The following SINHCAF variants were observed in gnomAD, a reference collection of about 807,000 sequenced individuals.
SINHCAF encodes the protein SIN3-HDAC complex associated factor.
SINHCAF carries 3 observed loss-of-function variants against 25.8 expected under a neutral mutation model. The ratio of observed to expected loss-of-function variants is 0.12; its 90% CI spans 0.05 to 0.30. SINHCAF has a LOEUF of 0.30. Among genes scored for constraint, SINHCAF ranks in the 10% least tolerant of loss-of-function variants. The probability of loss-of-function intolerance (pLI) is 1.00; values close to 1 mark genes in which losing one functional copy is unlikely to be tolerated. For missense variants in SINHCAF, 121 were observed against 262.3 expected (o/e 0.46, Z 3.72); for synonymous variants, 70 against 85.5 (o/e 0.82, Z 1.00).
intron 1 of SINHCAF, chr12:31,312,065 G>T: frequency 1.9e-6 from 1 of 518,742 alleles, no homozygotes; most frequent in Non-Finnish European, 3.7e-6. Context: ...GTCTACAGGT[G>T]TCATCCCAGT....
At position 31,325,274 on chromosome 12, in the gene SINHCAF, T is replaced by C. The variant is rs1302604834; in HGVS notation, c.-21+750A>G. On this transcript the variant is annotated intron_variant, in intron 1 of 5. Transcript: ENST00000337682. The surrounding 1 kb of genome is among the most constrained non-coding windows in gnomAD (Gnocchi z 5.9). ...AAAGCACCCCGGACACCAGAGGCTC[T>C]TGGGCGCGGTCCGAAGAGGGCAGGC... 6.6e-6 allele frequency: 3 copies of C among 456,404 alleles called. No individual in the cohort carries two copies. The highest frequency in any genetic ancestry group is 1.5e-5 in the South Asian group (1 of 64,558). The allele number at this position is 456,404 out of a possible 1,614,324, so 28.3% of individuals were successfully genotyped here. A position where few individuals can be genotyped will look rare whatever the true frequency, so the allele number is the denominator to read the frequency against.
intron 5 of SINHCAF, among the ~76,000 whole-genome samples, chr12:31,286,794 T>C (rs1159458399): frequency 1.3e-5 from 2 of 152,252 alleles, no homozygotes; most frequent in Admixed American, 6.5e-5. Context: ...ATCAAACTTA[T>C]ATCAGCCTTA....
rs771127946 is a variant in SINHCAF, at chr12:31,295,208, T to C, written c.228+26A>G. The C allele has an allele frequency of 9.3e-6, 13 of 1,400,170 alleles. No individual in the cohort carries two copies. In the Admixed American group the frequency reaches 1.6e-4, roughly 18 times the overall value. The allele number at this position is 1,400,170 out of a possible 1,614,324, so 86.7% of individuals were successfully genotyped here. On this transcript the variant is annotated intron_variant, in intron 3 of 5. Coordinates refer to ENST00000337682, the MANE Select transcript of SINHCAF (RefSeq NM_001135812.2). Reference sequence around the variant, plus strand: ...TACTTTAAATACAGTAGAGGTATAATTGAGAAAAAAGAAAGATGGACTAAC... The same window carrying C: ...TACTTTAAATACAGTAGAGGTATAACTGAGAAAAAAGAAAGATGGACTAAC...
At position 31,282,491 on chromosome 12, in the gene SINHCAF, G is replaced by A. The variant is rs1394617465; in HGVS notation, c.*221C>T. ...TAAAAAATTAGCCGGGTCTGGTGGC[G>A]GGCACCTATAAACCCAGCTACTTGG... On this transcript the variant is annotated 3_prime_UTR_variant, in exon 6 of 6. Transcript: ENST00000337682. The A allele has an allele frequency of 1.6e-5, 6 of 368,520 alleles. No individual in the cohort carries two copies. Among genetic ancestry groups the A allele is most frequent in the East Asian group, 4.3e-5 (1 of 23,182 alleles). 22.8% of individuals were successfully genotyped at this position (368,520 alleles called of 1,614,324 possible). A position where few individuals can be genotyped will look rare whatever the true frequency, so the allele number is the denominator to read the frequency against.
chr12:31,285,294 A>G (rs993755061), intron 5 of SINHCAF, among the ~76,000 whole-genome samples: 4 of 152,008 alleles, frequency 2.6e-5, no homozygotes, highest in Admixed American at 2.0e-4. Context: ...AGGCTGAGAC[A>G]GGAAAATCGC....
chr12:31,287,829 AC>A, intron 4 of SINHCAF, 45 bp from the exon 5 acceptor site: 4 of 1,435,886 alleles, frequency 2.8e-6, no homozygotes, highest in Non-Finnish European at 3.8e-6. Context: ...CAATTTCATT[AC>A]ATGTAATTGC....
chr12:31,296,541 C>T (rs1247736798), intron 2 of SINHCAF, among the ~76,000 whole-genome samples: 1 of 152,034 alleles, frequency 6.6e-6, no homozygotes, highest in Non-Finnish European at 1.5e-5. Flanking sequence ...TCCAGTTTCG[C>T]AGCAAACAAA....
chr12:31,319,396 C>T (rs564871489), intron 1 of SINHCAF, among the ~76,000 whole-genome samples: 5 of 152,266 alleles, frequency 3.3e-5, no homozygotes, highest in Admixed American at 6.5e-5. Context: ...AGCCTGGTGG[C>T]GTGCGCCTGT....
chr12:31,319,103 T>C (rs1939605559), intron 1 of SINHCAF, among the ~76,000 whole-genome samples: 1 of 152,234 alleles, frequency 6.6e-6, no homozygotes, highest in Non-Finnish European at 1.5e-5. Context: ...TATACTCCTC[T>C]ATGAAGCTGT....
rs1359092788 is a variant in SINHCAF at position 31,282,220 on chromosome 12, TAAAG to T, written c.*488_*491del. ...AAGGGGATTAAAAAAAAAAAAGACT[TAAAG>T]AGCACTTTACAGCAGCATTCAGCTT... is the stretch of plus-strand genomic sequence containing the variant. On this transcript the variant is annotated 3_prime_UTR_variant, in exon 6 of 6. Transcript: ENST00000337682. 6.6e-6 allele frequency: 1 copy of T among 152,448 alleles called. No homozygotes were observed. Among genetic ancestry groups the T allele is most frequent in the Non-Finnish European group, 1.5e-5 (1 of 68,040 alleles). The allele number at this position is 152,448 out of a possible 1,614,324, so 9.4% of individuals were successfully genotyped here. A position where few individuals can be genotyped will look rare whatever the true frequency, so the allele number is the denominator to read the frequency against.
Position 31,325,536 on chromosome 12 carries a change from C to T in SINHCAF, c.-21+488G>A, listed in dbSNP as rs1565510472. The T allele has an allele frequency of 4.5e-6, 1 of 222,878 alleles. No homozygotes were observed. Among genetic ancestry groups the T allele is most frequent in the South Asian group, 4.6e-5 (1 of 21,906 alleles). The allele number at this position is 222,878 out of a possible 1,614,324, so 13.8% of individuals were successfully genotyped here. A position where few individuals can be genotyped will look rare whatever the true frequency, so the allele number is the denominator to read the frequency against. ...GTCCGAGGGCTGCAGTCAACTAAAC[C>T]ACGAGGTTTCACAACGGCGCCCGAC... On this transcript the variant is annotated intron_variant, in intron 1 of 5. Coordinates refer to ENST00000337682, the MANE Select transcript of SINHCAF (RefSeq NM_001135812.2). This position sits in a 1 kb window ranked among gnomAD's most constrained non-coding sequence, Gnocchi z 5.9.
rs1281713009 is a variant in SINHCAF at position 31,325,361 on chromosome 12, C to T, written c.-21+663G>A. 1 of 397,498 alleles carries T rather than the reference C, an allele frequency of 2.5e-6. No homozygotes were observed. Among genetic ancestry groups the T allele is most frequent in the Non-Finnish European group, 5.1e-6 (1 of 197,228 alleles). The allele number at this position is 397,498 out of a possible 1,614,324, so 24.6% of individuals were successfully genotyped here. Reference sequence around the variant, plus strand: ...TGCTCTCATTGTCGCATCCGCATCCCTCCGGAGTTGAGCAAACAACGCCAC... The same window carrying T: ...TGCTCTCATTGTCGCATCCGCATCCTTCCGGAGTTGAGCAAACAACGCCAC... On this transcript the variant is annotated intron_variant, in intron 1 of 5. Transcript: ENST00000337682. The surrounding 1 kb of genome is among the most constrained non-coding windows in gnomAD (Gnocchi z 5.9).
intron 1 of SINHCAF, chr12:31,312,016 G>C (rs567587307): frequency 1.3e-5 from 9 of 683,728 alleles, no homozygotes; most frequent in South Asian, 1.2e-4. Flanking sequence ...GCTGGCAAAG[G>C]AGAAGTAACT....
intron 2 of SINHCAF, 145 bp downstream of exon 2, chr12:31,297,932 A>T: frequency 1.2e-6 from 1 of 810,010 alleles, no homozygotes; most frequent in Non-Finnish European, 1.9e-6. Context: ...TGATTCATTT[A>T]AAAAGCAGGA....
chr12:31,319,845 C>A (rs566075521), intron 1 of SINHCAF, among the ~76,000 whole-genome samples: 19 of 152,196 alleles, frequency 1.2e-4, no homozygotes, highest in African/African-American at 4.3e-4. Flanking sequence ...CTTTAAATAC[C>A]CTGAGAATTG....
intron 1 of SINHCAF, among the ~76,000 whole-genome samples, chr12:31,315,794 G>A (rs188783604): frequency 1.3e-5 from 2 of 152,290 alleles, no homozygotes; most frequent in Admixed American, 6.5e-5. Flanking sequence ...ATTTTATAAA[G>A]CACTTTCACT....
chr12:31,318,957 T>C (rs986934651), intron 1 of SINHCAF, among the ~76,000 whole-genome samples: 2 of 152,220 alleles, frequency 1.3e-5, no homozygotes, highest in African/African-American at 4.8e-5. Flanking sequence ...ATAAATGCTA[T>C]CTATCCCAAG....
At chr12:31,298,513 AG>A (rs1938642558) in intron 1 of SINHCAF, 2 of 338,530 alleles carry the variant, frequency 5.9e-6, no homozygotes, top group Admixed American at 4.6e-5. Context: ...TTTTAAAATC[AG>A]GTTTTGAAGT....
At chr12:31,320,843 T>C (rs568558980) in intron 1 of SINHCAF, among the ~76,000 whole-genome samples, 15 of 152,158 alleles carry the variant, frequency 9.9e-5, no homozygotes, top group African/African-American at 3.4e-4. Flanking sequence ...GGAAGGAAAT[T>C]AGACTAGTGT....
Sources: allele counts gnomAD v4.1 joint callset (sites outside exome capture counted in the v4.1 genomes callset), GRCh38; gene constraint gnomAD v4.1.1; non-coding constraint Gnocchi (gnomAD v3.1); transcripts MANE v1.5; gene names NCBI Gene and HGNC (gene_info 2026-07-23, HGNC 2026-07-21).